Variants in MSI2 observed in about 807,000 individuals in gnomAD.
The protein encoded by MSI2 is RNA-binding protein Musashi homolog 2.
MSI2 carries 17 observed loss-of-function variants against 45.6 expected under a neutral mutation model. The observed-to-expected ratio is 0.37, with a 90% CI of 0.26 to 0.56. The LOEUF (loss-of-function observed/expected upper bound fraction) is 0.56, where lower values mean the gene tolerates loss of function less well. Ranked by LOEUF, MSI2 falls within the 20% of genes least tolerant of loss-of-function variation. MSI2 has a pLI of 0.77. For missense variants in MSI2, 293 were observed against 444.2 expected, an observed-to-expected ratio of 0.66 and a Z score of 3.06; for synonymous variants, 156 against 158.2, an observed-to-expected ratio of 0.99 and a Z score of 0.11.
chr17:57,624,191 AC>A (rs1334208370), intron 9 of MSI2, among the ~76,000 whole-genome samples: 1 of 152,218 alleles, frequency 6.6e-6, no homozygotes, highest in Non-Finnish European at 1.5e-5. Context: ...AGGGAAGGTG[AC>A]ACATAGGCTT....
At chr17:57,319,469 T>A (rs1567754791) in intron 5 of MSI2, among the ~76,000 whole-genome samples, 1 of 152,222 alleles carries the variant, frequency 6.6e-6, no homozygotes, top group Non-Finnish European at 1.5e-5. Context: ...ATGGATGGCA[T>A]CATGTCAGAA....
At chr17:57,651,072 A>G (rs1911106510) in intron 10 of MSI2, among the ~76,000 whole-genome samples, 1 of 152,006 alleles carries the variant, frequency 6.6e-6, no homozygotes, top group African/African-American at 2.4e-5. Context: ...TTGTCTTTAT[A>G]TGTATGGGAG....
chr17:57,537,645 A>G (rs2086948882), intron 7 of MSI2, among the ~76,000 whole-genome samples: 1 of 152,076 alleles, frequency 6.6e-6, no homozygotes. Flanking sequence ...GTGTGCTTTC[A>G]TTTTTTTCCC....
intron 5 of MSI2, among the ~76,000 whole-genome samples, chr17:57,369,001 A>G (rs2083381215): frequency 6.6e-6 from 1 of 152,148 alleles, no homozygotes; most frequent in Admixed American, 6.5e-5. Flanking sequence ...CCTCACCATG[A>G]GATTTTTTTC....
chr17:57,347,480 C>A (rs1361117110), intron 5 of MSI2, among the ~76,000 whole-genome samples: 1 of 151,904 alleles, frequency 6.6e-6, no homozygotes, highest in Non-Finnish European at 1.5e-5. Context: ...CTTTCCAGCC[C>A]CATCCGCATG....
chr17:57,353,311 T>A (rs1161551559), intron 5 of MSI2, among the ~76,000 whole-genome samples: 1 of 152,112 alleles, frequency 6.6e-6, no homozygotes, highest in African/African-American at 2.4e-5. Flanking sequence ...GGACCAACTG[T>A]GGGTAGGTGT....
chr17:57,610,216 G>T (rs1907100472), intron 8 of MSI2, among the ~76,000 whole-genome samples: 3 of 152,272 alleles, frequency 2.0e-5, no homozygotes, highest in South Asian at 2.1e-4. Context: ...ACTTCGGGAG[G>T]CTGAGGCGGG....
chr17:57,516,202 C>T (rs1029235061), intron 6 of MSI2, among the ~76,000 whole-genome samples: 1 of 152,238 alleles, frequency 6.6e-6, no homozygotes, highest in Middle Eastern at 3.4e-3. Context: ...ATAGTTACAC[C>T]CTGGCCCCAC....
the MSI2 span, among the ~76,000 whole-genome samples, chr17:57,697,979 C>G: frequency 6.6e-6 from 1 of 152,234 alleles, no homozygotes; most frequent in African/African-American, 2.4e-5. Flanking sequence ...CTCCCTCCCT[C>G]ACTGCCTCCC....
chr17:57,261,823 A>G (rs1907336608), intron 4 of MSI2, among the ~76,000 whole-genome samples: 1 of 152,170 alleles, frequency 6.6e-6, no homozygotes, highest in South Asian at 2.1e-4. Flanking sequence ...AGCAAATTAG[A>G]TGTAGATACC....
chr17:57,645,756 G>A (rs546787258), intron 10 of MSI2, among the ~76,000 whole-genome samples: 31 of 152,242 alleles, frequency 2.0e-4, no homozygotes, highest in Non-Finnish European at 3.5e-4. Flanking sequence ...TCCCAGTGCC[G>A]AGGCTGCTCT....
At chr17:57,615,801 C>T (rs768233385) in intron 8 of MSI2, among the ~76,000 whole-genome samples, 169 bp from the exon 9 acceptor site, 1 of 152,122 alleles carries the variant, frequency 6.6e-6, no homozygotes, top group Non-Finnish European at 1.5e-5. Context: ...GCACAAGTGG[C>T]GTGTTTTCTT....
chr17:57,323,823 G>A (rs894360226), intron 5 of MSI2, among the ~76,000 whole-genome samples: 1 of 152,206 alleles, frequency 6.6e-6, no homozygotes, highest in Non-Finnish European at 1.5e-5. Flanking sequence ...CGGACATCTA[G>A]GTCTTAATTT....
chr17:57,520,764 C>T (rs976080693), intron 6 of MSI2, among the ~76,000 whole-genome samples: 4 of 152,184 alleles, frequency 2.6e-5, no homozygotes, highest in African/African-American at 9.7e-5. Flanking sequence ...AGCAATTCTC[C>T]TGCCTCAGCC....
intron 7 of MSI2, among the ~76,000 whole-genome samples, chr17:57,558,536 C>A (rs137955246): frequency 2.3e-4 from 35 of 151,952 alleles, no homozygotes; most frequent in Non-Finnish European, 4.4e-4. Flanking sequence ...TGCCGCTCAC[C>A]GTGTGTTTTT....
At chr17:57,340,239 G>C (rs1261914033) in intron 5 of MSI2, among the ~76,000 whole-genome samples, 1 of 152,158 alleles carries the variant, frequency 6.6e-6, no homozygotes, top group African/African-American at 2.4e-5. Flanking sequence ...GGGCCATTGT[G>C]CAAACCCAAG....
chr17:57,482,928 A>G (rs911666934), intron 6 of MSI2, among the ~76,000 whole-genome samples: 2 of 152,214 alleles, frequency 1.3e-5, no homozygotes, highest in African/African-American at 4.8e-5. Flanking sequence ...ATTGACTAAA[A>G]AGGAAACATT....
At chr17:57,522,404 C>T (rs1415391821) in intron 6 of MSI2, 1 of 152,152 alleles carries the variant, frequency 6.6e-6, no homozygotes, top group Non-Finnish European at 1.5e-5. Flanking sequence ...ATTTAAGGAT[C>T]ATCTGAAGTG....
intron 5 of MSI2, among the ~76,000 whole-genome samples, chr17:57,281,990 A>G (rs1909463215): frequency 6.6e-6 from 1 of 152,182 alleles, no homozygotes; most frequent in Admixed American, 6.5e-5. Context: ...TGGCTGGCTG[A>G]GGATGTCAAC....
Sources: gnomAD v4.1 joint callset for allele counts (sites outside exome capture counted in the v4.1 genomes callset) on GRCh38, gnomAD v4.1.1 for gene constraint, MANE v1.5 for transcripts, NCBI Gene and HGNC (gene_info 2026-07-23, HGNC 2026-07-21) for gene names.